Variants in IQCH observed in about 807,000 individuals in gnomAD.
IQCH encodes the protein IQ motif containing H, also known as IQ domain-containing protein H.
Under a neutral mutation model 117.0 loss-of-function variants are expected in IQCH, and 98 were observed. The ratio of observed to expected loss-of-function variants is 0.84; its 90% CI spans 0.71 to 0.99. The LOEUF (loss-of-function observed/expected upper bound fraction) is 0.99. Ranked by LOEUF, IQCH falls within the 50% of genes least tolerant of loss-of-function variation. The pLI, the probability that IQCH is intolerant of heterozygous loss-of-function variation, is 0.00. For synonymous variants in IQCH, 412 were observed against 448.2 expected (o/e 0.92, Z 1.02); for missense variants, 1,102 against 1,243.8 (o/e 0.89, Z 1.72).
chr15:67,273,939 G>A (rs576766064), intron 3 of IQCH, among the ~76,000 whole-genome samples: 4 of 152,214 alleles, frequency 2.6e-5, no homozygotes, highest in African/African-American at 9.6e-5. Flanking sequence ...GATGGATACA[G>A]TATTCTTCGA....
Position 67,296,893 on chromosome 15 carries a change from A to G in IQCH, c.387+17381A>G, listed in dbSNP as rs140163205. ...GGACTCAAATCAGTTGACTGTGACC[A>G]CACTCACCTGTTCTGGTGCTTGGCA... On this transcript the variant is annotated intron_variant, in intron 4 of 20. Coordinates refer to ENST00000335894, the MANE Select transcript of IQCH (RefSeq NM_001031715.3). Among the ~76,000 whole-genome samples, 125 of 152,302 alleles carry G rather than the reference A, an allele frequency of 8.2e-4. 1 individual carries two copies. In the East Asian group the frequency reaches 0.015, roughly 18 times the overall value.
In IQCH at chr15:67,390,359, C is replaced by T. The variant is rs567094514; in HGVS notation, c.1632+1353C>T. Among the ~76,000 whole-genome samples, 1 of 152,124 alleles carries T rather than the reference C, an allele frequency of 6.6e-6. No homozygotes were observed. Among genetic ancestry groups the T allele is most frequent in the Admixed American group, 6.5e-5 (1 of 15,280 alleles). ...AAATTGATCTAATGGCTGCTAACTG[C>T]TAGTAAGGAGTTTCTGCACATCTGA... On this transcript the variant is annotated intron_variant, in intron 12 of 20. Transcript: ENST00000335894. This position sits in a 1 kb window ranked among gnomAD's most constrained non-coding sequence, Gnocchi z 5.0.
At position 67,425,505 on chromosome 15, in the gene IQCH, G is replaced by C. The variant is rs191487196; in HGVS notation, c.2505+3928G>C. On this transcript the variant is annotated intron_variant, in intron 16 of 20. Transcript: ENST00000335894. The surrounding 1 kb of genome is among the most constrained non-coding windows in gnomAD (Gnocchi z 5.5). The stretch of plus-strand genomic sequence containing the variant: ...CATGTGCCTGTAGTCCCAGCTGCCC[G>C]GGAGGCTAAGGCAGGAGAATCACTT... 2.6e-5 allele frequency among the ~76,000 whole-genome samples: 4 copies of C among 152,134 alleles called. No homozygotes were observed. Among genetic ancestry groups the C allele is most frequent in the Non-Finnish European group, 4.4e-5 (3 of 68,020 alleles).
Position 67,391,251 on chromosome 15 carries a change from T to A in IQCH, c.1632+2245T>A, listed in dbSNP as rs1261111486. The stretch of plus-strand genomic sequence containing the variant: ...ACTTAATAGTTCTCATAGCTCAAGT[T>A]TAAATTATTTGAGTAATTACTCATA... On this transcript the variant is annotated intron_variant, in intron 12 of 20. Transcript: ENST00000335894. This position sits in a 1 kb window ranked among gnomAD's most constrained non-coding sequence, Gnocchi z 4.3. Among the ~76,000 whole-genome samples the A allele has an allele frequency of 6.6e-6, 1 of 152,176 alleles. No individual in the cohort carries two copies.
Position 67,283,237 on chromosome 15 carries a change from C to T in IQCH, c.387+3725C>T, listed in dbSNP as rs1053645785. On this transcript the variant is annotated intron_variant, in intron 4 of 20. Transcript: ENST00000335894. The stretch of plus-strand genomic sequence containing the variant: ...CCCACTCTCTACCAAACTACCCAAT[C>T]CCATGAGGCAACCAGTGTTAACAGC... 3.3e-5 allele frequency among the ~76,000 whole-genome samples: 5 copies of T among 152,320 alleles called. No individual in the cohort carries two copies. In the East Asian group the frequency reaches 9.6e-4, roughly 29 times the overall value.
rs538763855 is a variant in IQCH, at chr15:67,451,628, AGT to A, written c.2506-13497_2506-13496del. Among the ~76,000 whole-genome samples, 72 of 152,258 alleles carry A rather than the reference AGT, an allele frequency of 4.7e-4. 1 individual carries two copies. In the East Asian group the frequency reaches 5.8e-3, roughly 12 times the overall value. ...TTCTGTTATTTTACATTTGCTGAGG[AGT>A]GCTTTACTTCCAACTGTGTGGTCAA... is the stretch of plus-strand genomic sequence containing the variant. On this transcript the variant is annotated intron_variant, in intron 16 of 20. Coordinates refer to ENST00000335894, the MANE Select transcript of IQCH (RefSeq NM_001031715.3).
chr15:67,334,366 C>T (rs1003737301), intron 4 of IQCH, among the ~76,000 whole-genome samples: 1 of 151,836 alleles, frequency 6.6e-6, no homozygotes, highest in Non-Finnish European at 1.5e-5. Flanking sequence ...ATTCCCCCAT[C>T]CTACCCTCCT....
intron 3 of IQCH, among the ~76,000 whole-genome samples, chr15:67,267,292 G>A (rs1965716785): frequency 6.6e-6 from 1 of 152,140 alleles, no homozygotes; most frequent in Non-Finnish European, 1.5e-5. Context: ...GAGACAACAG[G>A]TCTAGAGTGA....
chr15:67,393,354 T>C lies in IQCH; in HGVS notation c.1633-1937T>C, dbSNP rs1971350034. ...TGCAAACTGGTGCATCTGATATTCC[T>C]TGAAACAATCACTTAGCATTTCTCC... On this transcript the variant is annotated intron_variant, in intron 12 of 20. Coordinates refer to ENST00000335894, the MANE Select transcript of IQCH (RefSeq NM_001031715.3). This position sits in a 1 kb window ranked among gnomAD's most constrained non-coding sequence, Gnocchi z 5.5. Among the ~76,000 whole-genome samples the C allele has an allele frequency of 6.6e-6, 1 of 152,176 alleles. No homozygotes were observed. Among genetic ancestry groups the C allele is most frequent in the South Asian group, 2.1e-4 (1 of 4,834 alleles).
chr15:67,355,956 A>G (rs543837517), intron 6 of IQCH, among the ~76,000 whole-genome samples: 1 of 152,376 alleles, frequency 6.6e-6, no homozygotes, highest in African/African-American at 2.4e-5. Flanking sequence ...AAATCCTTTA[A>G]AAGTTATGCC....
chr15:67,296,291 TGAAGAGGGAAGAGGAAGACATTCGCA>T (rs1015299553), intron 4 of IQCH, among the ~76,000 whole-genome samples: 1 of 152,108 alleles, frequency 6.6e-6, no homozygotes, highest in Admixed American at 6.6e-5. Flanking sequence ...CAGAAGACAC[TGAAGAGGGAAGAGGAAGACATTCGCA>T]GAAGAGGGAA....
intron 4 of IQCH, among the ~76,000 whole-genome samples, chr15:67,289,380 G>C (rs749500459): frequency 6.6e-6 from 1 of 152,042 alleles, no homozygotes; most frequent in Non-Finnish European, 1.5e-5. Context: ...AATTATTGCA[G>C]TGATCATGGG....
intron 18 of IQCH, among the ~76,000 whole-genome samples, chr15:67,482,595 G>A (rs1449510036): frequency 1.3e-5 from 2 of 152,184 alleles, no homozygotes; most frequent in Non-Finnish European, 2.9e-5. Context: ...TGAGGAAGCT[G>A]AGACTTAAAA....
chr15:67,465,081 T>C lies in IQCH; in HGVS notation c.2506-46T>C. 1 of 1,598,680 alleles carries C rather than the reference T, an allele frequency of 6.3e-7. No homozygotes were observed. Among genetic ancestry groups the C allele is most frequent in the Non-Finnish European group, 8.5e-7 (1 of 1,169,862 alleles). On this transcript the variant is annotated intron_variant, in intron 16 of 20. Transcript: ENST00000335894. The surrounding 1 kb of genome is among the most constrained non-coding windows in gnomAD (Gnocchi z 5.9). The stretch of plus-strand genomic sequence containing the variant: ...TAGGCAGAGGTGGGGCCTTCGCTGC[T>C]GTTTGCTGATTTCACCCTCACTTCT...
intron 3 of IQCH, among the ~76,000 whole-genome samples, chr15:67,274,119 G>A (rs1446863689): frequency 6.6e-6 from 1 of 152,136 alleles, no homozygotes; most frequent in Non-Finnish European, 1.5e-5. Context: ...ACCTTTGAGA[G>A]TTTGATTAGT....
intron 5 of IQCH, 121 bp downstream of exon 5, chr15:67,337,216 C>A: frequency 9.7e-7 from 1 of 1,035,200 alleles, no homozygotes; most frequent in East Asian, 2.4e-5. Flanking sequence ...TGGCCTCAGA[C>A]AAGTCAGGTC....
chr15:67,388,976 T>C lies in IQCH; in HGVS notation c.1602T>C (p.Ile534=). 6.2e-7 allele frequency: 1 copy of C among 1,613,924 alleles called. No homozygotes were observed. Among genetic ancestry groups the C allele is most frequent in the Non-Finnish European group, 8.5e-7 (1 of 1,179,850 alleles). Residue 534 remains isoleucine, a synonymous_variant, in exon 12 of 21, where the codon ATT becomes ATC. Transcript: ENST00000335894. This position sits in a 1 kb window ranked among gnomAD's most constrained non-coding sequence, Gnocchi z 5.5. ...DRSDLQDRFK[I]ITPEAVNIFP... ...GTGACCTGCAGGACAGGTTCAAAATTATCACACCTGAAGCTGTAAACATCT... is the reference window on the plus strand; with the variant it reads ...GTGACCTGCAGGACAGGTTCAAAATCATCACACCTGAAGCTGTAAACATCT...
intron 1 of IQCH, among the ~76,000 whole-genome samples, chr15:67,258,817 G>A (rs1195669764): frequency 6.6e-6 from 1 of 152,152 alleles, no homozygotes; most frequent in Non-Finnish European, 1.5e-5. Flanking sequence ...TGGATGATAT[G>A]TAAAATTTCA....
rs2081926691 is a variant in IQCH, at chr15:67,427,767, T to C, written c.2505+6190T>C. ...AATCACAAAGATTTAAATACACATA[T>C]ATTAATCACATCATTATTAAGAATA... On this transcript the variant is annotated intron_variant, in intron 16 of 20. Coordinates refer to ENST00000335894, the MANE Select transcript of IQCH (RefSeq NM_001031715.3). This position sits in a 1 kb window ranked among gnomAD's most constrained non-coding sequence, Gnocchi z 4.7. 6.6e-6 allele frequency among the ~76,000 whole-genome samples: 1 copy of C among 152,002 alleles called. No individual in the cohort carries two copies. Among genetic ancestry groups the C allele is most frequent in the African/African-American group, 2.4e-5 (1 of 41,392 alleles).
Sources: gnomAD v4.1 joint callset for allele counts (sites outside exome capture counted in the v4.1 genomes callset) on GRCh38, gnomAD v4.1.1 for gene constraint, Gnocchi (gnomAD v3.1) non-coding constraint, MANE v1.5 for transcripts, NCBI Gene and HGNC (gene_info 2026-07-23, HGNC 2026-07-21) for gene names.